The following GCNT1 variants were observed in gnomAD, a reference collection of about 807,000 sequenced individuals.
GCNT1 encodes beta-1,3-galactosyl-O-glycosyl-glycoprotein beta-1,6-N-acetylglucosaminyltransferase.
In GCNT1, 16 loss-of-function variants were observed where a neutral mutation model predicts 26.2. That is an observed-to-expected ratio of 0.61 (90% CI 0.41 to 0.93). The LOEUF (loss-of-function observed/expected upper bound fraction) is 0.93, where lower values mean the gene tolerates loss of function less well. Ranked by LOEUF, GCNT1 falls within the 40% of genes least tolerant of loss-of-function variation. The pLI, the probability that GCNT1 is intolerant of heterozygous loss-of-function variation, is 0.00. For synonymous variants in GCNT1, 183 were observed against 190.8 expected, an observed-to-expected ratio of 0.96 and a Z score of 0.34; for missense variants, 477 against 526.7, an observed-to-expected ratio of 0.91 and a Z score of 0.92.
At chr9:76,403,296 T>C in the GCNT1 span, among the ~76,000 whole-genome samples, 1 of 152,352 alleles carries the variant, frequency 6.6e-6, no homozygotes, top group East Asian at 1.9e-4. Context: ...TCCACAAATA[T>C]TTGAGTACCT....
chr9:76,469,436 G>A (rs1367220184), intron 2 of GCNT1, among the ~76,000 whole-genome samples: 5 of 152,200 alleles, frequency 3.3e-5, no homozygotes, highest in African/African-American at 9.7e-5. Flanking sequence ...TGAGAGCACA[G>A]CGGGAGGGAC....
Position 76,503,420 on chromosome 9 carries a change from A to G in GCNT1, c.1039A>G (p.Met347Val). 2 of 1,614,142 alleles carry G rather than the reference A, an allele frequency of 1.2e-6. No homozygotes were observed. The highest frequency in any genetic ancestry group is 1.3e-5 in the African/African-American group (1 of 75,046). The change falls in exon 4 of 4, where the codon ATG becomes GTG. Residue 347 changes from methionine (M) to valine (V), a missense_variant. Physicochemically the swap from Met to Val is conservative, Grantham distance 21. Coordinates refer to ENST00000376730, the MANE Select transcript of GCNT1 (RefSeq NM_001490.5). Reference protein sequence around the residue: ...PASHKYDLSDMQAVARFVKWQ... With the variant: ...PASHKYDLSDVQAVARFVKWQ... ...CAGCCATAAGTATGATCTGTCTGAC[A>G]TGCAAGCAGTTGCCAGGTTTGTCAA...
At chr9:76,396,701 G>C in the GCNT1 span, among the ~76,000 whole-genome samples, 1 of 152,078 alleles carries the variant, frequency 6.6e-6, no homozygotes, top group East Asian at 1.9e-4. Flanking sequence ...AATTAGCCGG[G>C]AGTGGTGGCG....
chr9:76,424,766 T>C (rs893157303), intron 1 of GCNT1, among the ~76,000 whole-genome samples: 2 of 152,114 alleles, frequency 1.3e-5, no homozygotes, highest in Admixed American at 6.6e-5. Flanking sequence ...TCACCACACC[T>C]CAGAAAAGAG....
At chr9:76,461,661 G>C (rs1823872908) in intron 2 of GCNT1, among the ~76,000 whole-genome samples, 1 of 151,888 alleles carries the variant, frequency 6.6e-6, no homozygotes, top group Non-Finnish European at 1.5e-5. Flanking sequence ...GCTGAGGCAG[G>C]TGGATCACTT....
At chr9:76,459,983 C>A (rs532453943) in intron 1 of GCNT1, 77 bp from the exon 2 acceptor site, 73 of 152,280 alleles carry the variant, frequency 4.8e-4, no homozygotes, top group African/African-American at 1.5e-3. Flanking sequence ...GTATCTCAGG[C>A]AGATTCCTCC....
rs1360511721 is a variant in GCNT1, at chr9:76,505,335, G to A, written c.*1667G>A. 4 of 171,672 alleles carry A rather than the reference G, an allele frequency of 2.3e-5. No homozygotes were observed. The highest frequency in any genetic ancestry group is 9.6e-5 in the African/African-American group (4 of 41,660). The allele number at this position is 171,672 out of a possible 1,614,324, so 10.6% of individuals were successfully genotyped here. The stretch of plus-strand genomic sequence containing the variant: ...AATGTGGAAGTTGGTGGATTGCTGT[G>A]TTTTTGCATGATTAGCATGGGAGTC... On this transcript the variant is annotated 3_prime_UTR_variant, in exon 4 of 4. Transcript: ENST00000376730.
At chr9:76,430,480 C>G (rs940042060) in intron 1 of GCNT1, among the ~76,000 whole-genome samples, 1 of 151,868 alleles carries the variant, frequency 6.6e-6, no homozygotes. Flanking sequence ...CTCGGGGGCT[C>G]AAGTGATCCT....
chr9:76,423,293 G>A (rs941214816), intron 1 of GCNT1, among the ~76,000 whole-genome samples: 21 of 152,154 alleles, frequency 1.4e-4, no homozygotes, highest in Non-Finnish European at 1.5e-4. Context: ...CCTAATTGGA[G>A]GTGTTTTGGT....
At chr9:76,399,115 T>G in the GCNT1 span, 2 of 1,565,606 alleles carry the variant, frequency 1.3e-6, no homozygotes, top group Non-Finnish European at 1.7e-6. Flanking sequence ...AGGCATCTTA[T>G]GTTAACCTAC....
the GCNT1 span, among the ~76,000 whole-genome samples, chr9:76,403,297 T>G: frequency 6.6e-6 from 1 of 152,228 alleles, no homozygotes; most frequent in Non-Finnish European, 1.5e-5. Flanking sequence ...CCACAAATAT[T>G]TGAGTACCTA....
intron 1 of GCNT1, among the ~76,000 whole-genome samples, chr9:76,421,934 CA>C (rs1208372174): frequency 6.6e-6 from 1 of 151,888 alleles, no homozygotes; most frequent in African/African-American, 2.4e-5. Flanking sequence ...AAGAAATATC[CA>C]GGACTGGGTA....
chr9:76,484,451 CAT>C (rs1446029904), intron 2 of GCNT1, among the ~76,000 whole-genome samples: 1 of 150,972 alleles, frequency 6.6e-6, no homozygotes, highest in Admixed American at 6.6e-5. Flanking sequence ...TTTATTTTAA[CAT>C]AAGTAATTTC....
In GCNT1 at chr9:76,484,886, T is replaced by A. The variant is rs181802718; in HGVS notation, c.-289-16030T>A. Among the ~76,000 whole-genome samples the A allele has an allele frequency of 7.3e-5, 11 of 150,868 alleles. No individual in the cohort carries two copies. The East Asian group carries it at 1.4e-3, about 19-fold the overall frequency. ...TCACTGCAACCTCCGCCTCCCAGAT[T>A]CAAGTGATTCTCCTGCCTCAGCCTC... On this transcript the variant is annotated intron_variant, in intron 2 of 3. Coordinates refer to ENST00000376730, the MANE Select transcript of GCNT1 (RefSeq NM_001490.5).
the GCNT1 span, among the ~76,000 whole-genome samples, chr9:76,400,693 A>G: frequency 1.3e-5 from 2 of 152,174 alleles, no homozygotes; most frequent in Non-Finnish European, 2.9e-5. Context: ...AGACAATGCT[A>G]CCAGTAGGCC....
the GCNT1 span, chr9:76,394,160 C>G: frequency 1.2e-6 from 2 of 1,605,958 alleles, no homozygotes; most frequent in Non-Finnish European, 1.7e-6. Flanking sequence ...AGAAGTAAGG[C>G]AGGTGCCTCA....
chr9:76,482,758 C>T (rs1406594814), intron 2 of GCNT1, among the ~76,000 whole-genome samples: 1 of 151,784 alleles, frequency 6.6e-6, no homozygotes, highest in Admixed American at 6.6e-5. Flanking sequence ...GATCCTCCCA[C>T]CTCAGCCTCC....
intron 1 of GCNT1, among the ~76,000 whole-genome samples, chr9:76,448,836 T>C (rs959192742): frequency 6.6e-6 from 1 of 152,266 alleles, no homozygotes; most frequent in Non-Finnish European, 1.5e-5. Context: ...TAATATGATA[T>C]GCTGCAATTT....
At chr9:76,418,675 C>T (rs569862620), upstream of GCNT1, among the ~76,000 whole-genome samples, 5 of 152,286 alleles carry the variant, frequency 3.3e-5, no homozygotes, top group African/African-American at 1.2e-4. Flanking sequence ...CTTACATACT[C>T]TTGTTCACAG....
Sources: allele counts gnomAD v4.1 joint callset (sites outside exome capture counted in the v4.1 genomes callset), GRCh38; gene constraint gnomAD v4.1.1; transcripts MANE v1.5; gene names NCBI Gene and HGNC (gene_info 2026-07-23, HGNC 2026-07-21).